Variants in SLC14A1 observed in about 807,000 individuals in gnomAD.
SLC14A1 encodes the protein urea transporter 1.
Under a neutral mutation model 39.6 loss-of-function variants are expected in SLC14A1, and 36 were observed. The ratio of observed to expected loss-of-function variants is 0.91; its 90% CI spans 0.70 to 1.20. SLC14A1 has a LOEUF of 1.20. Among genes scored for constraint, SLC14A1 ranks in the 50% most tolerant of loss-of-function variants. The pLI, the probability that SLC14A1 is intolerant of heterozygous loss-of-function variation, is 0.00. For missense variants in SLC14A1, 469 were observed against 478.7 expected (o/e 0.98, Z 0.19); for synonymous variants, 164 against 173.6 (o/e 0.94, Z 0.43).
chr18:45,743,306 G>A (rs1401887868), intron 8 of SLC14A1, among the ~76,000 whole-genome samples: 3 of 152,026 alleles, frequency 2.0e-5, no homozygotes, highest in Non-Finnish European at 2.9e-5. Context: ...ATTCCCTTTT[G>A]CCATGTGAGG....
intron 9 of SLC14A1, among the ~76,000 whole-genome samples, chr18:45,749,260 T>A (rs989011963): frequency 2.0e-5 from 3 of 152,014 alleles, no homozygotes; most frequent in Non-Finnish European, 4.4e-5. Context: ...TGGTGTATGC[T>A]CAGAATTGTG....
chr18:45,747,688 C>G (rs1367636357), intron 8 of SLC14A1, among the ~76,000 whole-genome samples: 1 of 151,830 alleles, frequency 6.6e-6, no homozygotes, highest in Admixed American at 6.6e-5. Context: ...GAGTGAGACT[C>G]CATCTCCAAA....
chr18:45,732,826 T>A (rs139114646), intron 4 of SLC14A1, among the ~76,000 whole-genome samples: 36 of 152,292 alleles, frequency 2.4e-4, no homozygotes, highest in African/African-American at 6.5e-4. Context: ...GCTGTGGGAA[T>A]CCTGCCTTGT....
chr18:45,739,767 G>A (rs1275627863), intron 8 of SLC14A1, 105 bp downstream of exon 8: 1 of 1,496,598 alleles, frequency 6.7e-7, no homozygotes, highest in Non-Finnish European at 9.2e-7. Context: ...CCAGGGTTCT[G>A]GCTTGAGCCC....
intron 2 of SLC14A1, chr18:45,727,112 A>T: frequency 1.5e-6 from 1 of 666,498 alleles, no homozygotes; most frequent in Non-Finnish European, 2.6e-6. Context: ...CTTCTTCATT[A>T]GCGGTCTCCC....
Position 45,739,175 on chromosome 18 carries a change from A to G in SLC14A1, c.676A>G (p.Ile226Val). The change falls in exon 7 of 10, where the codon ATA (isoleucine) becomes GTA (valine). Residue 226 changes from isoleucine (I) to valine (V), a missense_variant. Transcript: ENST00000321925. ...ATTTCTTTTGCAGTTGTTGAAATCT[A>G]TACCAGTGGGAGTTGGTCAGATCTA... is the stretch of plus-strand genomic sequence containing the variant. ...DLSALELLKS[I>V]PVGVGQIYGC... 1 of 1,614,166 alleles carries G rather than the reference A, an allele frequency of 6.2e-7. No individual in the cohort carries two copies. Among genetic ancestry groups the G allele is most frequent in the South Asian group, 1.1e-5 (1 of 91,086 alleles).
At chr18:45,728,322 C>T (rs527366911) in intron 2 of SLC14A1, among the ~76,000 whole-genome samples, 1 of 152,268 alleles carries the variant, frequency 6.6e-6, no homozygotes, top group South Asian at 2.1e-4. Flanking sequence ...ATTTTGAGAA[C>T]ATGAATTTGT....
At chr18:45,743,238 A>T (rs2047439849) in intron 8 of SLC14A1, among the ~76,000 whole-genome samples, 1 of 152,232 alleles carries the variant, frequency 6.6e-6, no homozygotes, top group Admixed American at 6.5e-5. Flanking sequence ...GGGTCCATTC[A>T]ATAGTCTAGG....
intron 4 of SLC14A1, among the ~76,000 whole-genome samples, chr18:45,732,520 C>G (rs1005077548): frequency 6.6e-6 from 1 of 152,312 alleles, no homozygotes; most frequent in Non-Finnish European, 1.5e-5. Flanking sequence ...AATAGGGAAC[C>G]CCACATTTAA....
Position 45,749,836 on chromosome 18 carries a change from T to G in SLC14A1, c.1055T>G (p.Met352Arg), listed in dbSNP as rs1272214085. The change falls in exon 10 of 10, where the codon ATG becomes AGG. Residue 352 changes from methionine to arginine, a missense_variant. Met to Arg is a moderately conservative substitution (Grantham distance 91). Coordinates refer to ENST00000321925, the MANE Select transcript of SLC14A1 (RefSeq NM_015865.7). Reference sequence around the variant, plus strand: ...TTGGCCACGCTATTGTTCCTCATCATGACCACAAAAAATTCCAACATCTAC... The same window carrying G: ...TTGGCCACGCTATTGTTCCTCATCAGGACCACAAAAAATTCCAACATCTAC... The part of the protein sequence containing the change: ...FCLATLLFLI[M>R]TTKNSNIYKM... 6.2e-7 allele frequency: 1 copy of G among 1,614,218 alleles called. No homozygotes were observed. Among genetic ancestry groups the G allele is most frequent in the Non-Finnish European group, 8.5e-7 (1 of 1,180,032 alleles).
intron 6 of SLC14A1, among the ~76,000 whole-genome samples, chr18:45,736,951 G>A (rs1275398241): frequency 6.6e-6 from 1 of 152,080 alleles, no homozygotes; most frequent in Non-Finnish European, 1.5e-5. Flanking sequence ...GGGGGTGATG[G>A]GAGCCAGCCC....
In SLC14A1 at chr18:45,750,791, G is replaced by A. The variant is rs2047683028; in HGVS notation, c.*840G>A. On this transcript the variant is annotated 3_prime_UTR_variant, in exon 10 of 10. Coordinates refer to ENST00000321925, the MANE Select transcript of SLC14A1 (RefSeq NM_015865.7). ...TGTATTTATGAAATACTCAGCTTAG[G>A]CATTTTTACTTTAACCCCTAAATTG... 4.1e-6 allele frequency: 4 copies of A among 984,848 alleles called. No individual in the cohort carries two copies. The highest frequency in any genetic ancestry group is 9.4e-5 in the South Asian group (2 of 21,278). 61.0% of individuals were successfully genotyped at this position (984,848 alleles called of 1,614,324 possible). A position where few individuals can be genotyped will look rare whatever the true frequency, so the allele number is the denominator to read the frequency against.
At position 45,730,781 on chromosome 18, in the gene SLC14A1, G is replaced by A. The variant is rs77025416; in HGVS notation, c.152-234G>A. 1.7e-3 allele frequency among the ~76,000 whole-genome samples: 256 copies of A among 152,254 alleles called. 1 individual carries two copies. In the East Asian group the frequency reaches 0.027, roughly 16 times the overall value. ...AAGCATGAAAATAAGTGCATTAGAT[G>A]CTTTCAGGAGCTTAGATTCTAGGAG... is the stretch of plus-strand genomic sequence containing the variant. On this transcript the variant is annotated intron_variant, in intron 3 of 9. Coordinates refer to ENST00000321925, the MANE Select transcript of SLC14A1 (RefSeq NM_015865.7).
intron 2 of SLC14A1, among the ~76,000 whole-genome samples, chr18:45,727,972 A>C (rs1300166855): frequency 6.6e-6 from 1 of 152,194 alleles, no homozygotes; most frequent in Non-Finnish European, 1.5e-5. Context: ...TCAGCTGTTC[A>C]GAATAAATGG....
In SLC14A1 at chr18:45,739,658, C is replaced by T. The variant is rs1257263980; in HGVS notation, c.942C>T (p.Gly314=). 6.2e-7 allele frequency: 1 copy of T among 1,614,188 alleles called. No individual in the cohort carries two copies. Among genetic ancestry groups the T allele is most frequent in the Admixed American group, 1.7e-5 (1 of 60,030 alleles). ...LTWQTHLLAL[G]CALFTAYLGV... ...GGCAAACCCACCTCCTGGCTCTTGG[C>T]TGTGGTGAGTCTCCCACGCCCCTGG... Residue 314 remains glycine (G), a synonymous_variant, in exon 8 of 10, where the codon GGC becomes GGT. Transcript: ENST00000321925.
rs1377322159 is a variant in SLC14A1 at position 45,749,818 on chromosome 18, C to T, written c.1037C>T (p.Thr346Met). ...PACTWPFCLATLLFLIMTTKN... is the reference protein window; with the variant it reads ...PACTWPFCLAMLLFLIMTTKN... Reference sequence around the variant, plus strand: ...TGTACCTGGCCCTTCTGTTTGGCCACGCTATTGTTCCTCATCATGACCACA... The same window carrying T: ...TGTACCTGGCCCTTCTGTTTGGCCATGCTATTGTTCCTCATCATGACCACA... Residue 346 changes from threonine to methionine, a missense_variant, in exon 10 of 10, where the codon ACG (threonine) becomes ATG (methionine). Coordinates refer to ENST00000321925, the MANE Select transcript of SLC14A1 (RefSeq NM_015865.7). 39 of 1,614,034 alleles carry T rather than the reference C, an allele frequency of 2.4e-5. No homozygotes were observed. Among genetic ancestry groups the T allele is most frequent in the East Asian group, 4.5e-5 (2 of 44,892 alleles).
intron 7 of SLC14A1, 77 bp downstream of exon 7, chr18:45,739,387 A>T: frequency 1.9e-6 from 3 of 1,611,138 alleles, no homozygotes; most frequent in Non-Finnish European, 2.5e-6. Context: ...TCTGTGCTCC[A>T]GATCTTCCTT....
At chr18:45,745,847 C>A (rs1229560589) in intron 8 of SLC14A1, among the ~76,000 whole-genome samples, 1 of 152,170 alleles carries the variant, frequency 6.6e-6, no homozygotes, top group African/African-American at 2.4e-5. Flanking sequence ...TCTCCAGCCC[C>A]CCTTGGAAAG....
chr18:45,743,267 G>T (rs1259026181), intron 8 of SLC14A1, among the ~76,000 whole-genome samples: 1 of 152,148 alleles, frequency 6.6e-6, no homozygotes, highest in Non-Finnish European at 1.5e-5. Flanking sequence ...TCCATCTCAA[G>T]GTCTTTAACT....
Sources: allele counts gnomAD v4.1 joint callset (sites outside exome capture counted in the v4.1 genomes callset), GRCh38; gene constraint gnomAD v4.1.1; transcripts MANE v1.5; gene names NCBI Gene and HGNC (gene_info 2026-07-23, HGNC 2026-07-21).